URI1: variants seen among roughly 807,000 people sequenced by gnomAD.
URI1 encodes the protein unconventional prefoldin RPB5 interactor 1.
In URI1, 39 loss-of-function variants were observed where a neutral mutation model predicts 60.2. The observed-to-expected ratio is 0.65, with a 90% CI of 0.50 to 0.85. URI1 has a LOEUF of 0.85. URI1 is among the 40% of genes least tolerant of loss of function. URI1 has a pLI of 0.00. For missense variants in URI1, 691 were observed against 665.9 expected (o/e 1.04, Z -0.42); for synonymous variants, 251 against 236.8 (o/e 1.06, Z -0.55).
At chr19:29,955,547 T>C (rs927449732) in intron 1 of URI1, among the ~76,000 whole-genome samples, 7 of 152,208 alleles carry the variant, frequency 4.6e-5, no homozygotes, top group Admixed American at 3.9e-4. Flanking sequence ...TAATGTGAAA[T>C]AAAAATACAT....
rs755058946 is a variant in URI1 at position 30,011,208 on chromosome 19, A to T, written c.1150A>T (p.Thr384Ser). 63 of 1,609,910 alleles carry T rather than the reference A, an allele frequency of 3.9e-5. No individual in the cohort carries two copies. Among genetic ancestry groups the T allele is most frequent in the Non-Finnish European group, 5.2e-5 (61 of 1,178,584 alleles). Residue 384 changes from threonine (T) to serine (S), a missense_variant, in exon 9 of 11, where the codon ACC (threonine) becomes TCC (serine). Coordinates refer to ENST00000392271, the MANE Select transcript of URI1 (RefSeq NM_003796.3). ...GSGHSAQELP[T>S]IRTPADIYRA... ...TGGCCACTCTGCCCAGGAGCTGCCG[A>T]CCATCAGGACGCCTGCAGACATTTA...
At chr19:29,974,561 T>C (rs2055497771) in intron 2 of URI1, among the ~76,000 whole-genome samples, 1 of 152,304 alleles carries the variant, frequency 6.6e-6, no homozygotes, top group East Asian at 1.9e-4. Flanking sequence ...CAACATCTTA[T>C]CTTGCCATCT....
intron 4 of URI1, among the ~76,000 whole-genome samples, chr19:30,000,494 C>T (rs901446297): frequency 6.6e-6 from 1 of 151,880 alleles, no homozygotes; most frequent in Admixed American, 6.6e-5. Context: ...CTGAATAACT[C>T]TTATATTCCT....
intron 4 of URI1, among the ~76,000 whole-genome samples, chr19:29,997,329 T>C (rs1438879914): frequency 6.6e-6 from 1 of 152,200 alleles, no homozygotes; most frequent in East Asian, 1.9e-4. Flanking sequence ...TCAAACTTGT[T>C]GGCAGTCAGT....
At chr19:29,926,407 G>A (rs181330905) in intron 1 of URI1, among the ~76,000 whole-genome samples, 26 of 152,170 alleles carry the variant, frequency 1.7e-4, no homozygotes, top group African/African-American at 6.3e-4. Flanking sequence ...AGCCTCCTGA[G>A]TAGCCAGGAC....
At chr19:29,990,010 T>C (rs1416934907) in intron 4 of URI1, among the ~76,000 whole-genome samples, 1 of 152,180 alleles carries the variant, frequency 6.6e-6, no homozygotes, top group East Asian at 1.9e-4. Flanking sequence ...GAAAGTTTTA[T>C]ACTTTGATAT....
rs80195767 is a variant in URI1, at chr19:29,981,915, C to G, written c.153-3308C>G. Among the ~76,000 whole-genome samples, 849 of 152,098 alleles carry G rather than the reference C, an allele frequency of 5.6e-3. 7 individuals are homozygous for G. Among genetic ancestry groups the G allele is most frequent in the Middle Eastern group, 0.017 (5 of 292 alleles). On this transcript the variant is annotated intron_variant, in intron 2 of 10. Transcript: ENST00000392271. Reference sequence around the variant, plus strand: ...TCAAATTTTGTTATAAATAAAGACCCCAGACTTAACCTCAGTAATGCATTA... The same window carrying G: ...TCAAATTTTGTTATAAATAAAGACCGCAGACTTAACCTCAGTAATGCATTA...
At chr19:29,994,390 A>T (rs539965956) in intron 4 of URI1, among the ~76,000 whole-genome samples, 72 of 151,666 alleles carry the variant, frequency 4.7e-4, no homozygotes, top group Non-Finnish European at 8.1e-4. Flanking sequence ...ATCTTCTCAA[A>T]TTAAAACTGT....
chr19:30,004,377 C>T (rs534940543), intron 4 of URI1: 1 of 152,084 alleles, frequency 6.6e-6, no homozygotes, highest in Admixed American at 6.6e-5. Context: ...ACTTTTAACT[C>T]CCTTCCTTAT....
rs764548214 is a variant in URI1, at chr19:30,012,526, C to A, written c.1420C>A (p.Pro474Thr). 2.0e-5 allele frequency: 32 copies of A among 1,613,754 alleles called. No individual in the cohort carries two copies. The highest frequency in any genetic ancestry group is 2.7e-5 in the Non-Finnish European group (32 of 1,179,878). The change falls in exon 10 of 11, where the codon CCT becomes ACT. Residue 474 changes from proline to threonine, a missense_variant. Physicochemically the swap from Pro to Thr is conservative, Grantham distance 38 (BLOSUM62 -1). Coordinates refer to ENST00000392271, the MANE Select transcript of URI1 (RefSeq NM_003796.3). ...GAAACTTTTGCCCTTATCAGTAACA[C>A]CTGAGGTGTGTGTGTGTATCTTTTA... ...QKKLLPLSVT[P>T]EAFSGTVIEK...
At chr19:29,967,736 G>C (rs1379372525) in intron 1 of URI1, among the ~76,000 whole-genome samples, 1 of 152,168 alleles carries the variant, frequency 6.6e-6, no homozygotes, top group East Asian at 1.9e-4. Context: ...CCAGTATAGG[G>C]ACTGTGCACT....
At chr19:30,009,477 C>A in intron 8 of URI1, 124 bp downstream of exon 8, 1 of 975,866 alleles carries the variant, frequency 1.0e-6, no homozygotes, top group African/African-American at 1.6e-5. Flanking sequence ...GGAAAATCAT[C>A]TTTTGCCTCT....
Position 29,931,338 on chromosome 19 carries a change from A to T in URI1, c.63+7584A>T, listed in dbSNP as rs1027720572. Among the ~76,000 whole-genome samples, 163 of 152,160 alleles carry T rather than the reference A, an allele frequency of 1.1e-3. 5 individuals are homozygous for T. Among genetic ancestry groups the T allele is most frequent in the Non-Finnish European group, 3.7e-4 (25 of 68,030 alleles). On this transcript the variant is annotated intron_variant, in intron 1 of 10. Coordinates refer to the URI1 transcript ENST00000360605. Reference sequence around the variant, plus strand: ...TAAGGATCCATGATGAAGGTGTTGGAAAAGCCAGTTTCTCATGAAGTTTCT... The same window carrying T: ...TAAGGATCCATGATGAAGGTGTTGGTAAAGCCAGTTTCTCATGAAGTTTCT...
chr19:29,983,081 A>G (rs952293416), intron 2 of URI1, among the ~76,000 whole-genome samples: 20 of 152,182 alleles, frequency 1.3e-4, no homozygotes, highest in African/African-American at 3.1e-4. Context: ...ATTTTCCAGG[A>G]GGAGGATTTT....
chr19:29,941,113 G>A (rs1029329396), upstream of URI1, among the ~76,000 whole-genome samples: 13 of 152,176 alleles, frequency 8.5e-5, no homozygotes, highest in Non-Finnish European at 1.8e-4. Context: ...AGGAGTGAGG[G>A]AAGAGAAGCA....
intron 1 of URI1, among the ~76,000 whole-genome samples, chr19:29,961,675 G>GTTTTTTTTTTTTTTTTTTTTTTTTTTT (rs200425572): frequency 8.5e-6 from 1 of 117,636 alleles, no homozygotes; most frequent in African/African-American, 3.1e-5. Context: ...TTTTTTTTTT[G>GTTTTTTTTTTTTTTTTTTTTTTTTTTT]TTTTTTTTTT....
intron 3 of URI1, 110 bp downstream of exon 3, chr19:29,985,411 T>TAC (rs1344455984): frequency 2.5e-6 from 2 of 796,430 alleles, no homozygotes; most frequent in African/African-American, 3.5e-5. Flanking sequence ...GGTAACTATG[T>TAC]AGCAAGGAAG....
chr19:29,951,120 G>A (rs2055174411), intron 1 of URI1, among the ~76,000 whole-genome samples: 1 of 152,130 alleles, frequency 6.6e-6, no homozygotes, highest in African/African-American at 2.4e-5. Flanking sequence ...ATACACGCGT[G>A]ATTACATAGA....
intron 1 of URI1, among the ~76,000 whole-genome samples, chr19:29,959,144 T>G (rs2055289185): frequency 6.6e-6 from 1 of 152,192 alleles, no homozygotes; most frequent in Non-Finnish European, 1.5e-5. Context: ...TTTTGTTTTT[T>G]TGAAACAGAA....
Sources: gnomAD v4.1 joint callset for allele counts (sites outside exome capture counted in the v4.1 genomes callset) on GRCh38, gnomAD v4.1.1 for gene constraint, MANE v1.5 for transcripts, NCBI Gene and HGNC (gene_info 2026-07-23, HGNC 2026-07-21) for gene names.